The following ZSWIM5 variants were observed in gnomAD, a reference collection of about 807,000 sequenced individuals.
ZSWIM5 encodes the protein zinc finger SWIM-type containing 5.
A neutral mutation model predicts 119.6 loss-of-function variants in ZSWIM5; 55 were observed. That is an observed-to-expected ratio of 0.46 (90% CI 0.37 to 0.58). The LOEUF is 0.58. Ranked by LOEUF, ZSWIM5 falls within the 20% of genes least tolerant of loss-of-function variation. The probability of loss-of-function intolerance (pLI) is 0.00; values close to 1 mark genes in which losing one functional copy is unlikely to be tolerated. For synonymous variants in ZSWIM5, 537 were observed against 606.9 expected (o/e 0.88, Z 1.69); for missense variants, 1,193 against 1,512.8 (o/e 0.79, Z 3.51).
At chr1:45,118,550 G>A (rs1442413803) in intron 1 of ZSWIM5, among the ~76,000 whole-genome samples, 1 of 152,032 alleles carries the variant, frequency 6.6e-6, no homozygotes. Flanking sequence ...AGATCAGCCT[G>A]GGCAACATGG....
In ZSWIM5 at chr1:45,176,626, G is replaced by A. The variant is rs776543830; in HGVS notation, c.595+29130C>T. Among the ~76,000 whole-genome samples the A allele has an allele frequency of 1.4e-4, 21 of 151,986 alleles. No homozygotes were observed. In the Middle Eastern group the frequency reaches 0.014, roughly 98 times the overall value. On this transcript the variant is annotated intron_variant, in intron 1 of 13. Coordinates refer to ENST00000359600, the MANE Select transcript of ZSWIM5 (RefSeq NM_020883.2). ...AATTTGGCTCCTGTTATCCTTAATT[G>A]ATTTACTTAGTTGATCAATATCTAT... is the stretch of plus-strand genomic sequence containing the variant.
At position 45,139,397 on chromosome 1, in the gene ZSWIM5, TCCCTCTCTCTCTCTCTCTGC is replaced by T. The variant is rs1456498694; in HGVS notation, c.596-51180_596-51161del. 9.5e-5 allele frequency among the ~76,000 whole-genome samples: 13 copies of T among 136,682 alleles called. No individual in the cohort carries two copies. In the Admixed American group the frequency reaches 9.9e-4, roughly 10 times the overall value. 89.7% of individuals were successfully genotyped at this position (136,682 alleles called of 152,430 possible). ...TTTTCTCTCTCTCTCTCCTCCTCCC[TCCCTCTCTCTCTCTCTCTGC>T]CCCTCTCCCTCTCTCCTTCCCTCCT... On this transcript the variant is annotated intron_variant, in intron 1 of 13. Coordinates refer to ENST00000359600, the MANE Select transcript of ZSWIM5 (RefSeq NM_020883.2).
At chr1:45,080,888 C>T (rs1645285810) in intron 2 of ZSWIM5, among the ~76,000 whole-genome samples, 1 of 152,026 alleles carries the variant, frequency 6.6e-6, no homozygotes, top group African/African-American at 2.4e-5. Flanking sequence ...GAGTAACCCA[C>T]CTAAAAAAGT....
intron 5 of ZSWIM5, among the ~76,000 whole-genome samples, chr1:45,045,652 C>T (rs1419251342): frequency 6.6e-6 from 1 of 152,104 alleles, no homozygotes; most frequent in African/African-American, 2.4e-5. Flanking sequence ...ACTGAGAATC[C>T]ACCGGTCTGC....
intron 1 of ZSWIM5, among the ~76,000 whole-genome samples, chr1:45,182,841 A>C (rs1646030466): frequency 6.6e-6 from 1 of 152,150 alleles, no homozygotes; most frequent in South Asian, 2.1e-4. Context: ...CAGATCAACA[A>C]GACAGAAAGT....
chr1:45,022,027 A>C (rs1170018639), intron 11 of ZSWIM5, among the ~76,000 whole-genome samples: 1 of 151,262 alleles, frequency 6.6e-6, no homozygotes, highest in Non-Finnish European at 1.5e-5. Flanking sequence ...GTCTCAAAAA[A>C]AAAAAAATAA....
In ZSWIM5 at chr1:45,088,282, T is replaced by C. The variant is rs115206601; in HGVS notation, c.596-45A>G. The C allele has an allele frequency of 5.2e-6, 7 of 1,355,914 alleles. No individual in the cohort carries two copies. In the African/African-American group the frequency reaches 7.3e-5, roughly 14 times the overall value. 84.0% of individuals were successfully genotyped at this position (1,355,914 alleles called of 1,614,324 possible). A position where few individuals can be genotyped will look rare whatever the true frequency, so the allele number is the denominator to read the frequency against. On this transcript the variant is annotated intron_variant, in intron 1 of 13. Coordinates refer to ENST00000359600, the MANE Select transcript of ZSWIM5 (RefSeq NM_020883.2). The surrounding 1 kb of genome is among the most constrained non-coding windows in gnomAD (Gnocchi z 4.2). ...ACTGTGTTTAGAGATTCTAGAGTAA[T>C]AAACTTAGATTCTCATTTTACATGT... is the stretch of plus-strand genomic sequence containing the variant.
At chr1:45,115,185 G>A (rs137898376) in intron 1 of ZSWIM5, among the ~76,000 whole-genome samples, 3,134 of 152,182 alleles carry the variant, frequency 0.021, 116 homozygotes, top group African/African-American at 0.072. Flanking sequence ...GGTGGCCGCC[G>A]GGCAGAGGGG....
At chr1:45,074,492 T>C (rs1645244378) in intron 2 of ZSWIM5, among the ~76,000 whole-genome samples, 1 of 151,928 alleles carries the variant, frequency 6.6e-6, no homozygotes, top group Admixed American at 6.5e-5. Context: ...TGCTTTTAGA[T>C]TTTCTGATTT....
At chr1:45,069,457 T>C (rs1301890841) in intron 2 of ZSWIM5, among the ~76,000 whole-genome samples, 2 of 152,102 alleles carry the variant, frequency 1.3e-5, no homozygotes, top group Non-Finnish European at 2.9e-5. Flanking sequence ...CACGTTTCAT[T>C]CTAGAAAATT....
rs1646193725 is a variant in ZSWIM5, at chr1:45,206,542, G to A, written c.-192C>T. ...CCGGGAGCGCGCCGCGAGGGCAGAC[G>A]CGGGCGGCCTGCAGGGTAGCGTGAG... On this transcript the variant is annotated 5_prime_UTR_variant, in exon 1 of 14. Transcript: ENST00000359600. 9.8e-7 allele frequency: 1 copy of A among 1,016,884 alleles called. No homozygotes were observed. The highest frequency in any genetic ancestry group is 9.8e-5 in the East Asian group (1 of 10,226). The allele number at this position is 1,016,884 out of a possible 1,614,324, so 63.0% of individuals were successfully genotyped here.
rs375249274 is a variant in ZSWIM5, at chr1:45,060,075, G to A, written c.1101+24C>T. Reference sequence around the variant, plus strand: ...TAAGCTTCTTTTGTCAACAACAAAAGAAAAACACCTTTTCATATCTTACCT... The same window carrying A: ...TAAGCTTCTTTTGTCAACAACAAAAAAAAAACACCTTTTCATATCTTACCT... On this transcript the variant is annotated intron_variant, in intron 3 of 13. Transcript: ENST00000359600. 89 of 1,613,504 alleles carry A rather than the reference G, an allele frequency of 5.5e-5. No individual in the cohort carries two copies. In the African/African-American group the frequency reaches 1.1e-3, roughly 21 times the overall value.
intron 6 of ZSWIM5, among the ~76,000 whole-genome samples, chr1:45,040,755 A>T (rs1012105360): frequency 4.6e-5 from 7 of 152,246 alleles, no homozygotes; most frequent in African/African-American, 1.7e-4. Context: ...AGCGTGGTCT[A>T]TGGTGTAGAA....
Position 45,051,165 on chromosome 1 carries a change from G to T in ZSWIM5, c.1341C>A (p.Asp447Glu), listed in dbSNP as rs1406064043. 6.2e-7 allele frequency: 1 copy of T among 1,614,184 alleles called. No individual in the cohort carries two copies. Among genetic ancestry groups the T allele is most frequent in the Non-Finnish European group, 8.5e-7 (1 of 1,180,034 alleles). ...CWLQQLQKWS[D>E]LDVCPLEDGN... ...CATCCTCCAGGGGACAGACATCCAG[G>T]TCGCTCCACTTCTGCAGCTGCTGCA... Residue 447 changes from aspartate (D) to glutamate (E), a missense_variant, in exon 5 of 14, where the codon GAC becomes GAA. This residue lies in a region of ZSWIM5 where 961 missense variants were observed against 1,290.0 expected (regional missense o/e 0.74). Coordinates refer to ENST00000359600, the MANE Select transcript of ZSWIM5 (RefSeq NM_020883.2).
intron 1 of ZSWIM5, among the ~76,000 whole-genome samples, chr1:45,109,797 T>A (rs1156686221): frequency 2.0e-5 from 3 of 152,132 alleles, no homozygotes; most frequent in African/African-American, 7.2e-5. Context: ...TCAGAAAGAT[T>A]CCCTGAACAT....
intron 2 of ZSWIM5, among the ~76,000 whole-genome samples, chr1:45,068,792 C>CTTTTTTTTTTTTTTTTTTTTTTT (rs758235271): frequency 2.1e-5 from 1 of 46,730 alleles, no homozygotes; most frequent in African/African-American, 8.6e-5. Flanking sequence ...TGTTGTATGT[C>CTTTTTTTTTTTTTTTTTTTTTTT]TTTTTTTTTT....
At chr1:45,074,035 G>T (rs1645241149) in intron 2 of ZSWIM5, among the ~76,000 whole-genome samples, 1 of 151,802 alleles carries the variant, frequency 6.6e-6, no homozygotes, top group South Asian at 2.1e-4. Flanking sequence ...GTATCATATT[G>T]ATTGATTTCC....
rs969043667 is a variant in ZSWIM5 at position 45,149,106 on chromosome 1, A to C, written c.595+56650T>G. The stretch of plus-strand genomic sequence containing the variant: ...CAATATAGTAAGACTCCACCTCTAC[A>C]ATTTTTTTTTTTTTAATTAGCAGGG... On this transcript the variant is annotated intron_variant, in intron 1 of 13. Coordinates refer to ENST00000359600, the MANE Select transcript of ZSWIM5 (RefSeq NM_020883.2). Among the ~76,000 whole-genome samples the C allele has an allele frequency of 3.2e-4, 48 of 151,828 alleles. 1 individual carries two copies. Among genetic ancestry groups the C allele is most frequent in the African/African-American group, 1.1e-3 (47 of 41,388 alleles).
In ZSWIM5 at chr1:45,020,771, G is replaced by A. The variant is rs200748429; in HGVS notation, c.2467C>T (p.Arg823Ter). 3 of 1,613,886 alleles carry A rather than the reference G, an allele frequency of 1.9e-6. No homozygotes were observed. Among genetic ancestry groups the A allele is most frequent in the African/African-American group, 1.3e-5 (1 of 74,886 alleles). ...TAAKGDTLRL[R>*]TILEAIQKHI... ...TTCTGTATTGCTTCCAGAATTGTTC[G>A]GAGTCTCAAAGTGTCTCCTATAGGT... The change falls in exon 12 of 14, where the codon CGA becomes TGA. Residue 823 changes from arginine to a stop codon, truncating the protein, a stop_gained. Transcript: ENST00000359600. LOFTEE classifies it high-confidence loss of function.
Sources: allele counts gnomAD v4.1 joint callset (sites outside exome capture counted in the v4.1 genomes callset), GRCh38; gene constraint gnomAD v4.1.1; regional missense constraint gnomAD v4.1.1; non-coding constraint Gnocchi (gnomAD v3.1); transcripts MANE v1.5; gene names NCBI Gene and HGNC (gene_info 2026-07-23, HGNC 2026-07-21).